Variants in BOC observed in about 807,000 individuals in gnomAD.
The protein encoded by BOC is brother of CDO.
Under a neutral mutation model 112.0 loss-of-function variants are expected in BOC, and 76 were observed. That is an observed-to-expected ratio of 0.68 (90% CI 0.56 to 0.82). The LOEUF (loss-of-function observed/expected upper bound fraction) is 0.82, where lower values mean the gene tolerates loss of function less well. Among genes scored for constraint, BOC ranks in the 40% least tolerant of loss-of-function variants. BOC has a pLI of 0.00. For synonymous variants in BOC, 580 were observed against 599.8 expected, an observed-to-expected ratio of 0.97 and a Z score of 0.48; for missense variants, 1,309 against 1,511.7, an observed-to-expected ratio of 0.87 and a Z score of 2.22.
rs1196898900 is a variant in BOC, at chr3:113,287,365, A to G, written c.*503A>G. 1 of 160,994 alleles carries G rather than the reference A, an allele frequency of 6.2e-6. No individual in the cohort carries two copies. The highest frequency in any genetic ancestry group is 1.4e-5 in the Non-Finnish European group (1 of 73,224). The allele number at this position is 160,994 out of a possible 1,614,324, so 10.0% of individuals were successfully genotyped here. ...TGTACAGCACTATGAGCATTAAAAA[A>G]CCTTCCAGAATCAATAATCCGTGGC... On this transcript the variant is annotated 3_prime_UTR_variant, in exon 20 of 20. Transcript: ENST00000682979.
chr3:113,269,645 C>A (rs916878681), intron 5 of BOC: 1 of 152,100 alleles, frequency 6.6e-6, no homozygotes, highest in African/African-American at 2.4e-5. Flanking sequence ...TTAGAGAATA[C>A]AGAAAACTGT....
chr3:113,219,199 C>T (rs957827193), intron 2 of BOC, among the ~76,000 whole-genome samples: 27 of 152,318 alleles, frequency 1.8e-4, no homozygotes, highest in African/African-American at 6.0e-4. Context: ...GCATGGGAGA[C>T]GCAAACCTCC....
rs1948192017 is a variant in BOC, at chr3:113,272,217, A to G, written c.668-193A>G. 8 of 621,992 alleles carry G rather than the reference A, an allele frequency of 1.3e-5. No homozygotes were observed. The South Asian group carries it at 1.6e-4, about 12-fold the overall frequency. 38.5% of individuals were successfully genotyped at this position (621,992 alleles called of 1,614,324 possible). On this transcript the variant is annotated intron_variant, in intron 6 of 19. Transcript: ENST00000682979. ...TCTTACTCATAACAGCTCCCTGCAGAAGCAGTCCTTGTTTCTGATAAGGAC... is the reference window on the plus strand; with the variant it reads ...TCTTACTCATAACAGCTCCCTGCAGGAGCAGTCCTTGTTTCTGATAAGGAC...
chr3:113,225,280 A>C (rs1285423121), intron 2 of BOC, among the ~76,000 whole-genome samples: 3 of 151,012 alleles, frequency 2.0e-5, no homozygotes, highest in East Asian at 3.9e-4. Context: ...TCAAAAAAAA[A>C]AACAACAAAA....
chr3:113,211,614 C>T lies in BOC; in HGVS notation c.-572C>T, dbSNP rs1031618897. The T allele has an allele frequency of 4.0e-5, 6 of 151,878 alleles. No homozygotes were observed. The highest frequency in any genetic ancestry group is 1.5e-4 in the African/African-American group (6 of 41,364). 9.4% of individuals were successfully genotyped at this position (151,878 alleles called of 1,614,324 possible). A position where few individuals can be genotyped will look rare whatever the true frequency, so the allele number is the denominator to read the frequency against. On this transcript the variant is annotated 5_prime_UTR_variant, in exon 1 of 20. Coordinates refer to ENST00000682979, the MANE Select transcript of BOC (RefSeq NM_001378074.1). ...ACCGGGTGCGCTGGGCGCGGCGTCC[C>T]CTGCGTTGTCCTCCTGCTGCCGCCC...
In BOC at chr3:113,286,813, CG is replaced by C; in HGVS notation, c.3303del (p.Pro1102HisfsTer30). 1 of 1,610,882 alleles carries C rather than the reference CG, an allele frequency of 6.2e-7. No homozygotes were observed. The highest frequency in any genetic ancestry group is 8.5e-7 in the Non-Finnish European group (1 of 1,178,648). On this transcript the variant is annotated frameshift_variant, in exon 20 of 20. Coordinates refer to ENST00000682979, the MANE Select transcript of BOC (RefSeq NM_001378074.1). LOFTEE classifies it high-confidence loss of function. Reference protein sequence around the residue: ...VGQEPGMQLSPGPLVRVSFET... With the variant: ...VGQEPGMQLSXGPLVRVSFET... ...CAGGAACCTGGAATGCAGCTCTCCC[CG>C]GGGCCACTGGTGCGTGTGTCTTTTG...
chr3:113,247,583 A>G lies in BOC; in HGVS notation c.-81-2139A>G, dbSNP rs16860700. Among the ~76,000 whole-genome samples, 998 of 152,034 alleles carry G rather than the reference A, an allele frequency of 6.6e-3. 8 individuals carry two copies. The highest frequency in any genetic ancestry group is 0.022 in the African/African-American group (917 of 41,456). ...GGGAATCAGCCTAAACTGGGTTTCA[A>G]TCCAGGCCTACTGTTATGTGATCCT... On this transcript the variant is annotated intron_variant, in intron 2 of 19. Transcript: ENST00000682979.
intron 4 of BOC, among the ~76,000 whole-genome samples, chr3:113,259,558 CCT>C (rs1485473325): frequency 4.6e-5 from 7 of 152,264 alleles, no homozygotes; most frequent in Admixed American, 3.3e-4. Flanking sequence ...CTCAGCATCC[CCT>C]GTTTCTCGTG....
chr3:113,250,215 A>T (rs758956406), intron 3 of BOC, among the ~76,000 whole-genome samples: 2 of 152,226 alleles, frequency 1.3e-5, no homozygotes, highest in South Asian at 2.1e-4. Context: ...GACTCATGAC[A>T]ACCTTGTGAG....
chr3:113,233,148 G>GTGTGTGT lies in BOC; in HGVS notation c.-81-16574_-81-16573insTGTGTGT, dbSNP rs1553725801. Among the ~76,000 whole-genome samples, 32 of 124,030 alleles carry GTGTGTGT rather than the reference G, an allele frequency of 2.6e-4. 1 individual carries two copies. The highest frequency in any genetic ancestry group is 5.1e-4 in the East Asian group (2 of 3,936). The allele number at this position is 124,030 out of a possible 152,430, so 81.4% of individuals were successfully genotyped here. Reference sequence around the variant, plus strand: ...CATGCATGAGCATGTAAAGGATTGGGGTGTGTGTGTGTGTGTGTGTGTGTG... The same window carrying GTGTGTGT: ...CATGCATGAGCATGTAAAGGATTGGGTGTGTGTGTGTGTGTGTGTGTGTGTGTGTGTG... On this transcript the variant is annotated intron_variant, in intron 2 of 19. Transcript: ENST00000682979.
intron 4 of BOC, among the ~76,000 whole-genome samples, chr3:113,266,350 A>T (rs1947479813): frequency 6.6e-6 from 1 of 152,058 alleles, no homozygotes; most frequent in Non-Finnish European, 1.5e-5. Context: ...TTAACACATC[A>T]CTCCTTGAAT....
rs1188865658 is a variant in BOC at position 113,279,904 on chromosome 3, G to A, written c.2104G>A (p.Val702Met). ...EPSAPSRPYV[V>M]SGYSGRVYER... ...CAGCGCCCCCTCTCGGCCCTACGTG[G>A]TGTCGGGCTACAGCGGTCGCGTGTA... The change falls in exon 13 of 20, where the codon GTG becomes ATG. Residue 702 changes from valine to methionine, a missense_variant. Physicochemically the swap from Val to Met is conservative, Grantham distance 21. Coordinates refer to ENST00000682979, the MANE Select transcript of BOC (RefSeq NM_001378074.1). 1.9e-6 allele frequency: 3 copies of A among 1,613,918 alleles called. No individual in the cohort carries two copies. The highest frequency in any genetic ancestry group is 2.2e-5 in the East Asian group (1 of 44,884).
intron 18 of BOC, 150 bp downstream of exon 18, chr3:113,285,008 C>T: frequency 1.4e-6 from 1 of 708,780 alleles, no homozygotes. Flanking sequence ...TGAACCATTG[C>T]CCTAATAGGC....
At chr3:113,252,356 C>T (rs774799885) in intron 4 of BOC, among the ~76,000 whole-genome samples, 5 of 152,078 alleles carry the variant, frequency 3.3e-5, no homozygotes, top group Non-Finnish European at 7.4e-5. Flanking sequence ...ATCCATGTCA[C>T]CATCATCATC....
intron 9 of BOC, among the ~76,000 whole-genome samples, chr3:113,277,846 C>T (rs1334918807): frequency 6.6e-6 from 1 of 152,168 alleles, no homozygotes; most frequent in Non-Finnish European, 1.5e-5. Flanking sequence ...GTCTGACTTC[C>T]CCCACTGAGG....
At chr3:113,237,463 A>G (rs1040149040) in intron 2 of BOC, among the ~76,000 whole-genome samples, 7 of 152,308 alleles carry the variant, frequency 4.6e-5, no homozygotes, top group African/African-American at 1.4e-4. Flanking sequence ...TGGCACAGGC[A>G]TGGTCTCATC....
intron 13 of BOC, 112 bp from the exon 14 acceptor site, chr3:113,280,446 C>T (rs1173724729): frequency 1.3e-6 from 1 of 743,630 alleles, no homozygotes; most frequent in African/African-American, 1.8e-5. Context: ...GCCAGGGGTC[C>T]CAAGTGAAAT....
At chr3:113,213,276 C>T (rs1938614286) in intron 1 of BOC, among the ~76,000 whole-genome samples, 1 of 152,052 alleles carries the variant, frequency 6.6e-6, no homozygotes, top group South Asian at 2.1e-4. Context: ...ATTTTGATTT[C>T]AGGCCCTTGT....
Position 113,216,179 on chromosome 3 carries a change from T to C in BOC, c.-169-8T>C. 2.2e-6 allele frequency: 1 copy of C among 451,792 alleles called. No homozygotes were observed. Among genetic ancestry groups the C allele is most frequent in the South Asian group, 1.6e-5 (1 of 63,570 alleles). The allele number at this position is 451,792 out of a possible 1,614,324, so 28.0% of individuals were successfully genotyped here. A position where few individuals can be genotyped will look rare whatever the true frequency, so the allele number is the denominator to read the frequency against. On this transcript the variant is annotated splice_region_variant and splice_polypyrimidine_tract_variant and intron_variant, in intron 1 of 19. Coordinates refer to ENST00000682979, the MANE Select transcript of BOC (RefSeq NM_001378074.1). ...TTCAAAAGATGAGATAATTCTCTTT[T>C]TCCTCAGTTTCAGAACAAGCTTCCT...
Sources: allele counts gnomAD v4.1 joint callset (sites outside exome capture counted in the v4.1 genomes callset), GRCh38; gene constraint gnomAD v4.1.1; transcripts MANE v1.5; gene names NCBI Gene and HGNC (gene_info 2026-07-23, HGNC 2026-07-21).